Variants in BRINP3 observed in about 807,000 individuals in gnomAD.
BRINP3 encodes BMP/retinoic acid inducible neural specific 3, also known as BMP/retinoic acid-inducible neural-specific protein 3.
A neutral mutation model predicts 71.0 loss-of-function variants in BRINP3; 19 were observed. The ratio of observed to expected loss-of-function variants is 0.27; its 90% confidence interval spans 0.19 to 0.39. BRINP3 has a LOEUF of 0.39. Among genes scored for constraint, BRINP3 ranks in the 10% least tolerant of loss-of-function variants. The probability of loss-of-function intolerance (pLI) is 1.00; values close to 1 mark genes in which losing one functional copy is unlikely to be tolerated. For missense variants in BRINP3, 959 were observed against 940.8 expected (o/e 1.02, Z -0.25); for synonymous variants, 380 against 337.7 (o/e 1.13, Z -1.37).
chr1:190,417,288 T>G (rs1673071499), intron 2 of BRINP3, among the ~76,000 whole-genome samples: 1 of 152,078 alleles, frequency 6.6e-6, no homozygotes, highest in African/African-American at 2.4e-5. Context: ...GAAATAAAAT[T>G]ATATCATTGG....
At chr1:190,334,505 A>G (rs1395614014) in intron 2 of BRINP3, among the ~76,000 whole-genome samples, 1 of 151,662 alleles carries the variant, frequency 6.6e-6, no homozygotes, top group East Asian at 1.9e-4. Context: ...AGATGGGTGT[A>G]TTTCCCCTTA....
intron 7 of BRINP3, among the ~76,000 whole-genome samples, chr1:190,139,674 A>G (rs1655269337): frequency 6.6e-6 from 1 of 152,116 alleles, no homozygotes; most frequent in South Asian, 2.1e-4. Flanking sequence ...TCACTGTAGG[A>G]AAGGAGCAAA....
chr1:190,106,748 A>G (rs1192087929), intron 7 of BRINP3, among the ~76,000 whole-genome samples: 1 of 151,720 alleles, frequency 6.6e-6, no homozygotes, highest in African/African-American at 2.4e-5. Context: ...CTACCCAGTG[A>G]GTGGTAGACA....
intron 2 of BRINP3, among the ~76,000 whole-genome samples, chr1:190,359,397 G>C (rs1319538952): frequency 6.6e-6 from 1 of 152,050 alleles, no homozygotes; most frequent in Admixed American, 6.6e-5. Context: ...TGGGGTACTA[G>C]TAAACCTAGA....
At chr1:190,316,472 C>T (rs1422669704) in intron 2 of BRINP3, among the ~76,000 whole-genome samples, 1 of 151,984 alleles carries the variant, frequency 6.6e-6, no homozygotes, top group Non-Finnish European at 1.5e-5. Flanking sequence ...TTGCTGCTGA[C>T]CCTGGAAAGG....
Position 190,162,781 on chromosome 1 carries a change from A to C in BRINP3, c.962-1891T>G, listed in dbSNP as rs763942200. Among the ~76,000 whole-genome samples the C allele has an allele frequency of 1.2e-3, 181 of 152,168 alleles. 3 individuals are homozygous for C. The highest frequency in any genetic ancestry group is 1.9e-4 in the Non-Finnish European group (13 of 68,000). The stretch of plus-strand genomic sequence containing the variant: ...TTTTAACTGAACTAAAGTGAGTATA[A>C]CAATGTATGGCAGCTGAAAATTGCC... On this transcript the variant is annotated intron_variant, in intron 6 of 7. Coordinates refer to ENST00000367462, the MANE Select transcript of BRINP3 (RefSeq NM_199051.3).
chr1:190,303,351 G>T (rs1018821619), intron 2 of BRINP3, among the ~76,000 whole-genome samples: 1 of 151,432 alleles, frequency 6.6e-6, no homozygotes, highest in African/African-American at 2.4e-5. Flanking sequence ...GAAGATGAGG[G>T]TAATCATTCT....
rs1216884351 is a variant in BRINP3, at chr1:190,412,466, G to GTTT, written c.236+42186_236+42188dup. Among the ~76,000 whole-genome samples the GTTT allele has an allele frequency of 7.0e-3, 741 of 105,958 alleles. 8 individuals are homozygous for GTTT. Among genetic ancestry groups the GTTT allele is most frequent in the African/African-American group, 0.023 (687 of 29,380 alleles). The allele number at this position is 105,958 out of a possible 152,430, so 69.5% of individuals were successfully genotyped here. A position where few individuals can be genotyped will look rare whatever the true frequency, so the allele number is the denominator to read the frequency against. ...TTTTTGTTTTGTTTTGTTTTTTTTTGTTTTTTTTTTTTTTGAGACGGAGTC... is the reference window on the plus strand; with the variant it reads ...TTTTTGTTTTGTTTTGTTTTTTTTTGTTTTTTTTTTTTTTTTTGAGACGGAGTC... On this transcript the variant is annotated intron_variant, in intron 2 of 7. Transcript: ENST00000367462.
chr1:190,410,208 G>A (rs1320980122), intron 2 of BRINP3, among the ~76,000 whole-genome samples: 2 of 152,052 alleles, frequency 1.3e-5, no homozygotes, highest in Non-Finnish European at 2.9e-5. Flanking sequence ...TAAACCATGC[G>A]TGTAGTACAA....
intron 1 of BRINP3, among the ~76,000 whole-genome samples, chr1:190,463,434 TA>T (rs558036245): frequency 2.2e-4 from 33 of 148,300 alleles, no homozygotes; most frequent in African/African-American, 4.4e-4. Flanking sequence ...GAACTACAAC[TA>T]AAAAAAAAGG....
rs1277471863 is a variant in BRINP3, at chr1:190,402,780, G to A, written c.236+51875C>T. On this transcript the variant is annotated intron_variant, in intron 2 of 7. Coordinates refer to ENST00000367462, the MANE Select transcript of BRINP3 (RefSeq NM_199051.3). ...CAGGTCTCATTCTGTCCCCCAGGCT[G>A]GAGTGCCATGGTGCCATCATGGCTC... Among the ~76,000 whole-genome samples, 8 of 152,200 alleles carry A rather than the reference G, an allele frequency of 5.3e-5. No individual in the cohort carries two copies. The East Asian group carries it at 1.5e-3, about 29-fold the overall frequency.
At chr1:190,156,936 G>T (rs994709461) in intron 7 of BRINP3, among the ~76,000 whole-genome samples, 7 of 151,874 alleles carry the variant, frequency 4.6e-5, no homozygotes, top group Non-Finnish European at 1.0e-4. Context: ...TAGCATTTTT[G>T]TATGTCAACT....
chr1:190,323,213 A>C (rs1666361908), intron 2 of BRINP3, among the ~76,000 whole-genome samples: 1 of 152,042 alleles, frequency 6.6e-6, no homozygotes, highest in Non-Finnish European at 1.5e-5. Flanking sequence ...AATAAGGAGA[A>C]AAGTGATTTC....
Position 190,098,466 on chromosome 1 carries a change from C to A in BRINP3, c.1853G>T (p.Trp618Leu), listed in dbSNP as rs746182376. 33 of 1,614,008 alleles carry A rather than the reference C, an allele frequency of 2.0e-5. No homozygotes were observed. Among genetic ancestry groups the A allele is most frequent in the Non-Finnish European group, 2.6e-5 (31 of 1,180,024 alleles). ...GTGTACTGTCTCAAAAAATGTCTTC[C>A]ATTTGTTCCCCAGAGTTAATGTCCA... ...YNWTLTLGNK[W>L]KTFFETVHIY... is the part of the protein sequence containing the mutation. The change falls in exon 8 of 8, where the codon TGG becomes TTG. Residue 618 changes from tryptophan to leucine, a missense_variant. By Grantham distance (61) the Trp-to-Leu change is moderately conservative (BLOSUM62 -2). Transcript: ENST00000367462.
chr1:190,119,615 T>C (rs1277442107), intron 7 of BRINP3, among the ~76,000 whole-genome samples: 1 of 152,172 alleles, frequency 6.6e-6, no homozygotes, highest in East Asian at 1.9e-4. Context: ...TCACCTATTG[T>C]CAATAAGTTT....
At chr1:190,439,405 C>A (rs974954767) in intron 2 of BRINP3, among the ~76,000 whole-genome samples, 1 of 151,682 alleles carries the variant, frequency 6.6e-6, no homozygotes, top group African/African-American at 2.4e-5. Context: ...ATAACAAAAG[C>A]GTGGCATAAG....
chr1:190,218,265 G>A lies in BRINP3; in HGVS notation c.961+7817C>T, dbSNP rs917998405. ...ATAATAGTACAGGTAAGCTTTGCTT[G>A]TTTTATACTTAATATAAATGGAATC... On this transcript the variant is annotated intron_variant, in intron 6 of 7. Transcript: ENST00000367462. Among the ~76,000 whole-genome samples, 32 of 151,924 alleles carry A rather than the reference G, an allele frequency of 2.1e-4. 1 individual carries two copies. In the South Asian group the frequency reaches 2.3e-3, roughly 11 times the overall value.
chr1:190,111,036 G>A (rs906676229), intron 7 of BRINP3, among the ~76,000 whole-genome samples: 2 of 151,476 alleles, frequency 1.3e-5, no homozygotes, highest in South Asian at 4.2e-4. Context: ...AAATTAGCCG[G>A]GCGTGGTGTT....
chr1:190,147,318 A>T (rs1329930530), intron 7 of BRINP3, among the ~76,000 whole-genome samples: 1 of 152,146 alleles, frequency 6.6e-6, no homozygotes, highest in Non-Finnish European at 1.5e-5. Flanking sequence ...GTAATAGAAG[A>T]CGATCTTTTC....
Sources: gnomAD v4.1 joint callset for allele counts (sites outside exome capture counted in the v4.1 genomes callset) on GRCh38, gnomAD v4.1.1 for gene constraint, MANE v1.5 for transcripts, NCBI Gene and HGNC (gene_info 2026-07-23, HGNC 2026-07-21) for gene names.